RGS17: variants seen among roughly 807,000 people sequenced by gnomAD.
The protein encoded by RGS17 is regulator of G protein signaling 17, also known as regulator of G-protein signaling 17.
In RGS17, 12 loss-of-function variants were observed where a neutral mutation model predicts 25.5. The ratio of observed to expected loss-of-function variants is 0.47; its 90% CI spans 0.30 to 0.76. The LOEUF (loss-of-function observed/expected upper bound fraction) is 0.76, where lower values mean the gene tolerates loss of function less well. Among genes scored for constraint, RGS17 ranks in the 30% least tolerant of loss-of-function variants. The pLI is 0.07. For synonymous variants in RGS17, 71 were observed against 76.9 expected (o/e 0.92, Z 0.40); for missense variants, 196 against 242.2 (o/e 0.81, Z 1.27).
intron 1 of RGS17, among the ~76,000 whole-genome samples, chr6:153,116,600 T>C (rs6557271): frequency 0.33 from 50,089 of 152,018 alleles, 8,798 homozygotes; most frequent in East Asian, 0.67. Flanking sequence ...GTATAAATCA[T>C]TTTACTATAA....
chr6:153,107,270 T>C (rs973386932), intron 1 of RGS17, among the ~76,000 whole-genome samples: 3 of 151,966 alleles, frequency 2.0e-5, no homozygotes, highest in Non-Finnish European at 2.9e-5. Flanking sequence ...GAGGTGGAGC[T>C]TGCAGTGAGC....
rs1779053349 is a variant in RGS17, at chr6:153,004,601, C to T, written c.*6973G>A. The T allele has an allele frequency of 6.6e-6, 1 of 152,054 alleles. No individual in the cohort carries two copies. Among genetic ancestry groups the T allele is most frequent in the African/African-American group, 2.4e-5 (1 of 41,392 alleles). The allele number at this position is 152,054 out of a possible 1,614,324, so 9.4% of individuals were successfully genotyped here. A position where few individuals can be genotyped will look rare whatever the true frequency, so the allele number is the denominator to read the frequency against. Reference sequence around the variant, plus strand: ...TTTGATTTACTTTGAAAACTCAAACCTATAGTTCGAGACTTCTGAATATTT... The same window carrying T: ...TTTGATTTACTTTGAAAACTCAAACTTATAGTTCGAGACTTCTGAATATTT... On this transcript the variant is annotated 3_prime_UTR_variant, in exon 5 of 5. Transcript: ENST00000206262.
chr6:153,031,166 G>A (rs1779358794), intron 2 of RGS17, among the ~76,000 whole-genome samples: 1 of 152,156 alleles, frequency 6.6e-6, no homozygotes, highest in Admixed American at 6.5e-5. Flanking sequence ...AAAATGATGA[G>A]GTGGACTCCA....
rs1208050252 is a variant in RGS17 at position 153,005,631 on chromosome 6, TC to T, written c.*5942del. ...TGAGCATGGCACTTTACCGTTGTGT[TC>T]TTTCAAAAACCAAAAACCTGTGTCT... is the stretch of plus-strand genomic sequence containing the variant. On this transcript the variant is annotated 3_prime_UTR_variant, in exon 5 of 5. Transcript: ENST00000206262. 1.3e-5 allele frequency: 2 copies of T among 152,186 alleles called. No individual in the cohort carries two copies. Among genetic ancestry groups the T allele is most frequent in the African/African-American group, 4.8e-5 (2 of 41,436 alleles). The allele number at this position is 152,186 out of a possible 1,614,324, so 9.4% of individuals were successfully genotyped here.
chr6:153,123,765 C>A (rs1194244009), intron 1 of RGS17, among the ~76,000 whole-genome samples: 1 of 152,154 alleles, frequency 6.6e-6, no homozygotes, highest in Non-Finnish European at 1.5e-5. Flanking sequence ...GGAAGAAGGG[C>A]AGGGATCTCA....
At chr6:153,027,681 C>T (rs955151215) in intron 2 of RGS17, among the ~76,000 whole-genome samples, 5 of 152,094 alleles carry the variant, frequency 3.3e-5, no homozygotes, top group Admixed American at 6.6e-5. Flanking sequence ...GGTGCAGACC[C>T]GTCTGGGAGG....
At chr6:153,041,169 C>G (rs554606839) in intron 2 of RGS17, among the ~76,000 whole-genome samples, 1 of 151,776 alleles carries the variant, frequency 6.6e-6, no homozygotes, top group African/African-American at 2.4e-5. Context: ...GTCTCAAATA[C>G]AAATAAATAA....
intron 1 of RGS17, among the ~76,000 whole-genome samples, chr6:153,119,524 T>C (rs1338417273): frequency 1.3e-5 from 2 of 152,062 alleles, no homozygotes; most frequent in African/African-American, 4.8e-5. Flanking sequence ...ACCCTGTCTC[T>C]ACTAAAAATA....
rs145429746 is a variant in RGS17 at position 153,130,292 on chromosome 6, C to T, written c.-26+832G>A. Reference sequence around the variant, plus strand: ...CCATCGATCACGGAAAGACCACCATCACCTACAGCAAAGGAGGCTCCGATG... The same window carrying T: ...CCATCGATCACGGAAAGACCACCATTACCTACAGCAAAGGAGGCTCCGATG... On this transcript the variant is annotated intron_variant, in intron 1 of 4. Coordinates refer to ENST00000206262, the MANE Select transcript of RGS17 (RefSeq NM_012419.5). This position sits in a 1 kb window ranked among gnomAD's most constrained non-coding sequence, Gnocchi z 6.4. Among the ~76,000 whole-genome samples, 4 of 152,276 alleles carry T rather than the reference C, an allele frequency of 2.6e-5. No individual in the cohort carries two copies. Among genetic ancestry groups the T allele is most frequent in the Middle Eastern group, 3.4e-3 (1 of 294 alleles).
At chr6:153,032,330 A>AAATACC (rs1290986305) in intron 2 of RGS17, among the ~76,000 whole-genome samples, 2 of 152,150 alleles carry the variant, frequency 1.3e-5, no homozygotes, top group Admixed American at 6.5e-5. Flanking sequence ...ACCTGCCTAA[A>AAATACC]AATACCCCAT....
chr6:153,054,114 G>GTATA (rs1419620702), intron 1 of RGS17, among the ~76,000 whole-genome samples: 3 of 48,534 alleles, frequency 6.2e-5, no homozygotes, highest in African/African-American at 1.6e-4. Flanking sequence ...ATATATATAT[G>GTATA]TGTATATATA....
At chr6:153,042,543 A>T (rs986385190) in intron 2 of RGS17, among the ~76,000 whole-genome samples, 2 of 152,184 alleles carry the variant, frequency 1.3e-5, no homozygotes, top group African/African-American at 4.8e-5. Flanking sequence ...GCCCTGTGGA[A>T]CTGTGAGTCC....
chr6:153,035,684 C>A (rs894071142), intron 2 of RGS17, among the ~76,000 whole-genome samples: 2 of 152,070 alleles, frequency 1.3e-5, no homozygotes, highest in African/African-American at 4.8e-5. Context: ...TAAAGTTGAC[C>A]TGGATTTGGA....
At chr6:153,119,036 A>G (rs1777584414) in intron 1 of RGS17, among the ~76,000 whole-genome samples, 1 of 152,178 alleles carries the variant, frequency 6.6e-6, no homozygotes, top group African/African-American at 2.4e-5. Flanking sequence ...ATGTGTATAT[A>G]TTTAGTTTCC....
chr6:153,066,938 G>A (rs529753117), intron 1 of RGS17, among the ~76,000 whole-genome samples: 1 of 152,212 alleles, frequency 6.6e-6, no homozygotes, highest in East Asian at 1.9e-4. Context: ...TACTCGGGAG[G>A]CTGAGGCAGG....
chr6:153,037,431 T>C (rs906259444), intron 2 of RGS17, among the ~76,000 whole-genome samples: 1 of 98,052 alleles, frequency 1.0e-5, no homozygotes, highest in Non-Finnish European at 2.0e-5. Context: ...CATTTTTTAC[T>C]TTTTTTTTTT....
intron 4 of RGS17, among the ~76,000 whole-genome samples, chr6:153,015,193 C>T (rs1779170626): frequency 6.6e-6 from 1 of 152,150 alleles, no homozygotes; most frequent in Non-Finnish European, 1.5e-5. Flanking sequence ...GAATCTATTC[C>T]TGGTGAAGAT....
chr6:153,035,498 A>G (rs577150708), intron 2 of RGS17, among the ~76,000 whole-genome samples: 1 of 152,358 alleles, frequency 6.6e-6, no homozygotes, highest in Non-Finnish European at 1.5e-5. Flanking sequence ...TAGGCCCATA[A>G]GAAATAATGA....
intron 1 of RGS17, among the ~76,000 whole-genome samples, chr6:153,077,051 C>T (rs986777053): frequency 1.2e-4 from 18 of 152,096 alleles, no homozygotes; most frequent in Admixed American, 4.6e-4. Flanking sequence ...AATGAGGGAC[C>T]ACCTGACATT....
Sources: allele counts gnomAD v4.1 joint callset (sites outside exome capture counted in the v4.1 genomes callset), GRCh38; gene constraint gnomAD v4.1.1; non-coding constraint Gnocchi (gnomAD v3.1); transcripts MANE v1.5; gene names NCBI Gene and HGNC (gene_info 2026-07-23, HGNC 2026-07-21).